DPP6: variants seen among roughly 807,000 people sequenced by gnomAD.
The protein encoded by DPP6 is dipeptidyl peptidase like 6.
A neutral mutation model predicts 122.6 loss-of-function variants in DPP6; 69 were observed. The ratio of observed to expected loss-of-function variants is 0.56; its 90% CI spans 0.46 to 0.69. DPP6 has a LOEUF of 0.69. DPP6 is among the 30% of genes least tolerant of loss of function. The probability of loss-of-function intolerance (pLI) is 0.00; values close to 1 mark genes in which losing one functional copy is unlikely to be tolerated. For synonymous variants in DPP6, 418 were observed against 433.1 expected (o/e 0.97, Z 0.43); for missense variants, 928 against 1,116.9 (o/e 0.83, Z 2.41).
At chr7:154,133,966 AC>A (rs1162079985) in intron 1 of DPP6, among the ~76,000 whole-genome samples, 2 of 151,692 alleles carry the variant, frequency 1.3e-5, no homozygotes, top group African/African-American at 4.8e-5. Context: ...GTGATGGGAC[AC>A]ACCCCATGCT....
chr7:154,694,710 A>G (rs77830583), intron 7 of DPP6, among the ~76,000 whole-genome samples: 2,188 of 152,262 alleles, frequency 0.014, 56 homozygotes, highest in African/African-American at 0.049. Flanking sequence ...AGTGATGAAG[A>G]TGAGCTTCTG....
At chr7:154,517,943 T>C (rs79917010) in intron 3 of DPP6, among the ~76,000 whole-genome samples, 2,945 of 152,280 alleles carry the variant, frequency 0.019, 112 homozygotes, top group African/African-American at 0.067. Context: ...GATGCAGTGA[T>C]GACCTTTACC....
intron 1 of DPP6, among the ~76,000 whole-genome samples, chr7:154,235,042 C>A (rs1042848629): frequency 6.6e-6 from 1 of 152,200 alleles, no homozygotes; most frequent in African/African-American, 2.4e-5. Context: ...GTAGTTTTTA[C>A]CATACAATTT....
intron 16 of DPP6, among the ~76,000 whole-genome samples, chr7:154,807,381 A>C (rs545643368): frequency 6.6e-6 from 1 of 152,304 alleles, no homozygotes; most frequent in African/African-American, 2.4e-5. Context: ...GTAATCTCTC[A>C]GTTTGTCTCC....
At chr7:154,864,452 A>G (rs1803682647) in intron 17 of DPP6, among the ~76,000 whole-genome samples, 1 of 152,182 alleles carries the variant, frequency 6.6e-6, no homozygotes, top group Non-Finnish European at 1.5e-5. Flanking sequence ...ATTCCACCAA[A>G]TATTAGAGGG....
chr7:154,212,764 G>A (rs1799807653), intron 1 of DPP6, among the ~76,000 whole-genome samples: 1 of 152,120 alleles, frequency 6.6e-6, no homozygotes, highest in Non-Finnish European at 1.5e-5. Context: ...CAATCAGCTG[G>A]GAGAGAACAC....
chr7:153,763,524 G>A, the DPP6 span, among the ~76,000 whole-genome samples: 2 of 152,224 alleles, frequency 1.3e-5, no homozygotes, highest in East Asian at 3.9e-4. Context: ...ATGAGGCTTT[G>A]TGGCGAGAGA....
intron 4 of DPP6, among the ~76,000 whole-genome samples, chr7:154,559,566 A>G (rs999509242): frequency 1.3e-5 from 2 of 152,188 alleles, no homozygotes; most frequent in South Asian, 4.1e-4. Flanking sequence ...GTTACTTAAG[A>G]TGAGTGACAA....
intron 1 of DPP6, among the ~76,000 whole-genome samples, chr7:154,207,788 A>G (rs1799524890): frequency 1.3e-5 from 2 of 152,174 alleles, no homozygotes; most frequent in African/African-American, 4.8e-5. Flanking sequence ...AATTTGAAGA[A>G]GAAATAATTT....
intron 8 of DPP6, among the ~76,000 whole-genome samples, chr7:154,751,371 G>A (rs1486053603): frequency 3.3e-5 from 5 of 152,092 alleles, no homozygotes; most frequent in East Asian, 3.9e-4. Flanking sequence ...AGACCAAGGC[G>A]GGCCGATCAC....
intron 1 of DPP6, among the ~76,000 whole-genome samples, chr7:154,097,270 G>A (rs1805392842): frequency 6.6e-6 from 1 of 152,196 alleles, no homozygotes; most frequent in South Asian, 2.1e-4. Context: ...CCTCATAAGT[G>A]GGCTTATTTT....
At chr7:153,915,981 TTTC>T (rs1800290860) in intron 1 of DPP6, among the ~76,000 whole-genome samples, 2 of 139,740 alleles carry the variant, frequency 1.4e-5, no homozygotes, top group East Asian at 2.2e-4. Context: ...ATTTATTTAT[TTTC>T]GAGACAGAGT....
At chr7:154,834,925 C>T (rs1008961985) in intron 16 of DPP6, among the ~76,000 whole-genome samples, 3 of 152,112 alleles carry the variant, frequency 2.0e-5, no homozygotes, top group Non-Finnish European at 4.4e-5. Flanking sequence ...GCTTCTGTGC[C>T]GTATTTCGCT....
At chr7:154,101,911 A>G (rs1476913195) in intron 1 of DPP6, among the ~76,000 whole-genome samples, 1 of 147,630 alleles carries the variant, frequency 6.8e-6, no homozygotes, top group African/African-American at 2.5e-5. Context: ...CTGGGCAACA[A>G]GAGCAAAACT....
chr7:154,478,456 G>A (rs6464428), intron 3 of DPP6, among the ~76,000 whole-genome samples: 130,296 of 152,080 alleles, frequency 0.86, 56,198 homozygotes, highest in Middle Eastern at 0.9. Flanking sequence ...TCACATCACC[G>A]TCATCATCAT....
chr7:154,678,153 C>G (rs892681807), intron 7 of DPP6, among the ~76,000 whole-genome samples: 5 of 152,170 alleles, frequency 3.3e-5, no homozygotes, highest in Non-Finnish European at 7.3e-5. Flanking sequence ...TAAAAACGGA[C>G]CAATCAGCAC....
At chr7:153,753,186 G>A in the DPP6 span, among the ~76,000 whole-genome samples, 30 of 150,418 alleles carry the variant, frequency 2.0e-4, no homozygotes, top group African/African-American at 7.1e-4. Context: ...TTGGTGACTT[G>A]TATGTGACTA....
At chr7:154,363,467 A>G (rs1327549920) in intron 1 of DPP6, among the ~76,000 whole-genome samples, 1 of 152,186 alleles carries the variant, frequency 6.6e-6, no homozygotes, top group Non-Finnish European at 1.5e-5. Context: ...AAAGTTGTCC[A>G]GCTGAAATGC....
intron 3 of DPP6, among the ~76,000 whole-genome samples, chr7:154,522,120 C>T (rs907561968): frequency 6.6e-6 from 1 of 152,116 alleles, no homozygotes; most frequent in Non-Finnish European, 1.5e-5. Flanking sequence ...CCTGCCACCA[C>T]GCCCGGCTAA....
Sources: allele counts gnomAD v4.1 joint callset (sites outside exome capture counted in the v4.1 genomes callset), GRCh38; gene constraint gnomAD v4.1.1; transcripts MANE v1.5; gene names NCBI Gene and HGNC (gene_info 2026-07-23, HGNC 2026-07-21).